TRPM3: variants seen among roughly 807,000 people sequenced by gnomAD.
The protein encoded by TRPM3 is long transient receptor potential channel 3.
In TRPM3, 77 loss-of-function variants were observed where a neutral mutation model predicts 181.2. That is an observed-to-expected ratio of 0.42 (90% CI 0.35 to 0.51). TRPM3 has a LOEUF of 0.51. TRPM3 is among the 20% of genes least tolerant of loss of function. TRPM3 has a pLI of 0.01. For synonymous variants in TRPM3, 745 were observed against 796.4 expected (o/e 0.94, Z 1.09); for missense variants, 1,759 against 2,196.7 (o/e 0.80, Z 3.98).
At chr9:71,335,803 A>C (rs2090514242) in intron 1 of TRPM3, among the ~76,000 whole-genome samples, 1 of 152,156 alleles carries the variant, frequency 6.6e-6, no homozygotes, top group South Asian at 2.1e-4. Flanking sequence ...TCTAACAAAC[A>C]GTTTTATACT....
At chr9:71,276,015 C>G (rs1160368371) in intron 1 of TRPM3, among the ~76,000 whole-genome samples, 1 of 151,950 alleles carries the variant, frequency 6.6e-6, no homozygotes, top group Non-Finnish European at 1.5e-5. Context: ...CTAATTTTTT[C>G]TATTTTTAGT....
intron 1 of TRPM3, among the ~76,000 whole-genome samples, chr9:71,171,375 T>C (rs1285479974): frequency 1.3e-5 from 2 of 152,086 alleles, no homozygotes; most frequent in Non-Finnish European, 2.9e-5. Flanking sequence ...TAATAAAAAC[T>C]TGCTGGTTTT....
intron 7 of TRPM3, among the ~76,000 whole-genome samples, chr9:70,779,681 TA>T (rs2082101415): frequency 6.6e-6 from 1 of 152,332 alleles, no homozygotes; most frequent in African/African-American, 2.4e-5. Context: ...ATCCTAGTAT[TA>T]AAAAACTTAG....
At chr9:70,885,946 A>T (rs2096075325) in intron 1 of TRPM3, among the ~76,000 whole-genome samples, 1 of 152,220 alleles carries the variant, frequency 6.6e-6, no homozygotes, top group Non-Finnish European at 1.5e-5. Context: ...GCAACTTGGC[A>T]TTTAAAATAT....
chr9:70,756,706 GGAAACT>G (rs1468642732), intron 8 of TRPM3, among the ~76,000 whole-genome samples: 1 of 152,100 alleles, frequency 6.6e-6, no homozygotes, highest in Non-Finnish European at 1.5e-5. Context: ...ACAACTACAT[GGAAACT>G]GAACAACCTG....
chr9:70,559,034 TG>T lies in TRPM3; in HGVS notation c.3224-5725del, dbSNP rs1247606134. 2.6e-5 allele frequency among the ~76,000 whole-genome samples: 4 copies of T among 152,332 alleles called. No individual in the cohort carries two copies. The East Asian group carries it at 5.8e-4, about 22-fold the overall frequency. On this transcript the variant is annotated intron_variant, in intron 22 of 25. Coordinates refer to ENST00000677713, the MANE Select transcript of TRPM3 (RefSeq NM_001366145.2). ...AAGAAAGCCCTCCCTATAGATGTTGTGGGGGGTTTTGGAGCACAGCCTTCCA... is the reference window on the plus strand; with the variant it reads ...AAGAAAGCCCTCCCTATAGATGTTGTGGGGGTTTTGGAGCACAGCCTTCCA...
intron 1 of TRPM3, among the ~76,000 whole-genome samples, chr9:70,877,804 A>ACACACACACACACAC (rs2095895292): frequency 6.8e-6 from 1 of 146,112 alleles, no homozygotes; most frequent in African/African-American, 2.6e-5. Context: ...AAAATCATAA[A>ACACACACACACACAC]ACACACACAC....
intron 12 of TRPM3, among the ~76,000 whole-genome samples, chr9:70,630,054 G>A (rs1688757805): frequency 6.6e-6 from 1 of 152,228 alleles, no homozygotes; most frequent in South Asian, 2.1e-4. Context: ...GGATGTCACA[G>A]ATGATGCATT....
At chr9:71,194,509 A>G (rs550804149) in intron 1 of TRPM3, among the ~76,000 whole-genome samples, 2 of 151,984 alleles carry the variant, frequency 1.3e-5, no homozygotes, top group South Asian at 2.1e-4. Context: ...AGAGTCCCCA[A>G]AGTGAGCTTG....
intron 1 of TRPM3, among the ~76,000 whole-genome samples, chr9:71,207,291 A>G (rs2079181375): frequency 6.6e-6 from 1 of 152,190 alleles, no homozygotes; most frequent in Non-Finnish European, 1.5e-5. Context: ...ATTTTAAATG[A>G]GAAAATATGT....
intron 1 of TRPM3, among the ~76,000 whole-genome samples, chr9:71,168,650 TTTA>T (rs1565298496): frequency 6.7e-6 from 1 of 148,164 alleles, no homozygotes; most frequent in Non-Finnish European, 1.5e-5. Context: ...TATTTTTTTT[TTTA>T]TTATTACTAT....
At chr9:70,995,230 G>A (rs900294148) in intron 1 of TRPM3, among the ~76,000 whole-genome samples, 1 of 152,140 alleles carries the variant, frequency 6.6e-6, no homozygotes, top group Admixed American at 6.5e-5. Context: ...ATTTCCTAAG[G>A]TTAGAAGACC....
chr9:71,182,253 A>G (rs556815593), intron 1 of TRPM3, among the ~76,000 whole-genome samples: 2 of 152,266 alleles, frequency 1.3e-5, no homozygotes, highest in African/African-American at 4.8e-5. Flanking sequence ...TTATTGGGGT[A>G]TATGTGTGTG....
rs1297054278 is a variant in TRPM3 at position 71,409,478 on chromosome 9, G to GA, written c.183+37174dup. Among the ~76,000 whole-genome samples, 4 of 152,208 alleles carry GA rather than the reference G, an allele frequency of 2.6e-5. No individual in the cohort carries two copies. In the East Asian group the frequency reaches 7.7e-4, roughly 29 times the overall value. ...GCAAATCCTAGTCTCTGATAAAACA[G>GA]ACCTTAAACCAACAAAGATCAAAGG... On this transcript the variant is annotated intron_variant, in intron 1 of 24. Transcript: ENST00000357533.
At chr9:70,681,708 C>A in intron 8 of TRPM3, 130 bp from the exon 9 acceptor site, 1 of 770,426 alleles carries the variant, frequency 1.3e-6, no homozygotes, top group East Asian at 2.5e-5. Context: ...AGGGTAAGCA[C>A]ACATAACAAG....
intron 1 of TRPM3, among the ~76,000 whole-genome samples, chr9:70,899,259 T>A (rs1204188828): frequency 2.0e-5 from 3 of 152,220 alleles, no homozygotes; most frequent in African/African-American, 7.2e-5. Context: ...TGTTGTAGCC[T>A]TAAAAGATGA....
intron 21 of TRPM3, among the ~76,000 whole-genome samples, chr9:70,594,970 T>C (rs2058753145): frequency 1.3e-5 from 2 of 152,198 alleles, no homozygotes; most frequent in Non-Finnish European, 2.9e-5. Context: ...TAAAAGCCCC[T>C]TGAAAGAGAA....
chr9:70,689,028 A>G (rs1211939049), intron 8 of TRPM3, among the ~76,000 whole-genome samples: 1 of 152,194 alleles, frequency 6.6e-6, no homozygotes, highest in Non-Finnish European at 1.5e-5. Flanking sequence ...AGCAAACATT[A>G]AAAAGGAGTA....
At chr9:71,194,856 A>T (rs1181993318) in intron 1 of TRPM3, among the ~76,000 whole-genome samples, 1 of 151,994 alleles carries the variant, frequency 6.6e-6, no homozygotes, top group African/African-American at 2.4e-5. Flanking sequence ...ACTTAGCTAA[A>T]CTCAAAAAAG....
Sources: allele counts gnomAD v4.1 joint callset (sites outside exome capture counted in the v4.1 genomes callset), GRCh38; gene constraint gnomAD v4.1.1; transcripts MANE v1.5; gene names NCBI Gene and HGNC (gene_info 2026-07-23, HGNC 2026-07-21).